The following NYAP2 variants were observed in gnomAD, a reference collection of about 807,000 sequenced individuals.
NYAP2 encodes neuronal tyrosine-phosphorylated phosphoinositide-3-kinase adaptor 2.
Under a neutral mutation model 50.4 loss-of-function variants are expected in NYAP2, and 23 were observed. That is an observed-to-expected ratio of 0.46 (90% CI 0.33 to 0.65). The LOEUF (loss-of-function observed/expected upper bound fraction) is 0.65, where lower values mean the gene tolerates loss of function less well. Among genes scored for constraint, NYAP2 ranks in the 30% least tolerant of loss-of-function variants. NYAP2 has a pLI of 0.02. For synonymous variants in NYAP2, 394 were observed against 365.2 expected (o/e 1.08, Z -0.90); for missense variants, 885 against 861.0 (o/e 1.03, Z -0.35).
At chr2:225,608,183 A>C (rs1692821913) in intron 5 of NYAP2, among the ~76,000 whole-genome samples, 1 of 152,174 alleles carries the variant, frequency 6.6e-6, no homozygotes, top group African/African-American at 2.4e-5. Flanking sequence ...AGTTGTTTAT[A>C]AAAATATACA....
intron 5 of NYAP2, among the ~76,000 whole-genome samples, chr2:225,598,399 A>G (rs1692642313): frequency 1.3e-5 from 2 of 152,364 alleles, no homozygotes; most frequent in South Asian, 4.1e-4. Context: ...CATTAAGTGG[A>G]AACCAAGAAT....
intron 5 of NYAP2, among the ~76,000 whole-genome samples, chr2:225,617,370 G>A (rs544139833): frequency 1.3e-5 from 2 of 151,934 alleles, no homozygotes; most frequent in South Asian, 2.1e-4. Flanking sequence ...TGGAGGTTGC[G>A]GTGAGCCGAG....
At chr2:225,542,045 A>C (rs1039077978) in intron 4 of NYAP2, among the ~76,000 whole-genome samples, 4 of 152,068 alleles carry the variant, frequency 2.6e-5, no homozygotes, top group African/African-American at 9.7e-5. Flanking sequence ...TAGCTATTAT[A>C]AATAGGATTA....
chr2:225,539,945 C>G (rs553612964), intron 4 of NYAP2, among the ~76,000 whole-genome samples: 1 of 152,288 alleles, frequency 6.6e-6, no homozygotes, highest in South Asian at 2.1e-4. Context: ...TTAATCATCT[C>G]TCTCAAGTTC....
intron 4 of NYAP2, among the ~76,000 whole-genome samples, chr2:225,570,110 G>T (rs182865286): frequency 5.3e-4 from 81 of 152,296 alleles, no homozygotes; most frequent in African/African-American, 1.9e-3. Flanking sequence ...ACAAGCTACT[G>T]CCCTGGAATG....
At chr2:225,605,331 A>C (rs1391451038) in intron 5 of NYAP2, among the ~76,000 whole-genome samples, 1 of 152,124 alleles carries the variant, frequency 6.6e-6, no homozygotes, top group African/African-American at 2.4e-5. Context: ...AAAAGTGGGA[A>C]CTCTTATCTT....
At chr2:225,480,005 C>T (rs1363772108) in intron 3 of NYAP2, among the ~76,000 whole-genome samples, 2 of 152,054 alleles carry the variant, frequency 1.3e-5, no homozygotes, top group Non-Finnish European at 2.9e-5. Flanking sequence ...CGTCACTGGA[C>T]TTTACCAGCC....
At chr2:225,694,895 C>T in the NYAP2 span, among the ~76,000 whole-genome samples, 1 of 151,630 alleles carries the variant, frequency 6.6e-6, no homozygotes, top group African/African-American at 2.4e-5. Context: ...TATTTTCTTA[C>T]TCACTACACA....
the NYAP2 span, among the ~76,000 whole-genome samples, chr2:225,688,643 C>T: frequency 6.6e-6 from 1 of 152,130 alleles, no homozygotes; most frequent in South Asian, 2.1e-4. Flanking sequence ...GGTTAGGTAA[C>T]TTGTTCTGAT....
intron 3 of NYAP2, among the ~76,000 whole-genome samples, chr2:225,510,396 A>G (rs1055899418): frequency 3.3e-5 from 5 of 152,204 alleles, no homozygotes; most frequent in African/African-American, 1.2e-4. Flanking sequence ...AGTTTTAAAA[A>G]CACAAATTCA....
chr2:225,504,743 C>A (rs950053722), intron 3 of NYAP2, among the ~76,000 whole-genome samples: 1 of 152,088 alleles, frequency 6.6e-6, no homozygotes, highest in African/African-American at 2.4e-5. Context: ...GGCACGGTGG[C>A]TCATGCCTGT....
chr2:225,469,298 T>C (rs1689975085), intron 3 of NYAP2, among the ~76,000 whole-genome samples: 2 of 152,212 alleles, frequency 1.3e-5, no homozygotes, highest in African/African-American at 4.8e-5. Flanking sequence ...GAAATGCAAA[T>C]CAAAACCACA....
chr2:225,437,916 C>T (rs1317543194), intron 3 of NYAP2, among the ~76,000 whole-genome samples: 1 of 152,136 alleles, frequency 6.6e-6, no homozygotes, highest in East Asian at 1.9e-4. Context: ...TTCAAATAGC[C>T]ACAGACCAGA....
intron 5 of NYAP2, among the ~76,000 whole-genome samples, chr2:225,590,240 C>T (rs1017109977): frequency 6.6e-6 from 1 of 152,180 alleles, no homozygotes; most frequent in Non-Finnish European, 1.5e-5. Context: ...CTGGCTTCTG[C>T]CTTAGCAAGG....
chr2:225,637,286 T>C lies in NYAP2; in HGVS notation c.1828+10160T>C, dbSNP rs199826894. 4.6e-5 allele frequency among the ~76,000 whole-genome samples: 7 copies of C among 152,320 alleles called. 1 individual carries two copies. In the East Asian group the frequency reaches 1.4e-3, roughly 29 times the overall value. ...GAGTTCTCCGTTATATTCATTTTTGTTACGCAACAGGAACAGCAAACCAAT... is the reference window on the plus strand; with the variant it reads ...GAGTTCTCCGTTATATTCATTTTTGCTACGCAACAGGAACAGCAAACCAAT... On this transcript the variant is annotated intron_variant, in intron 6 of 6. Transcript: ENST00000636099.
At chr2:225,551,948 G>T (rs1691685975) in intron 4 of NYAP2, among the ~76,000 whole-genome samples, 1 of 152,120 alleles carries the variant, frequency 6.6e-6, no homozygotes, top group African/African-American at 2.4e-5. Flanking sequence ...AAATAGCTGG[G>T]ATTACAGGTG....
intron 5 of NYAP2, among the ~76,000 whole-genome samples, chr2:225,601,123 GT>G (rs71410364): frequency 0.12 from 16,438 of 136,738 alleles, 809 homozygotes; most frequent in Non-Finnish European, 0.13. Context: ...CTGTGTTTAA[GT>G]TTTTTTTTTT....
chr2:225,637,270 G>A (rs543398674), intron 6 of NYAP2, among the ~76,000 whole-genome samples: 305 of 152,216 alleles, frequency 2.0e-3, no homozygotes, highest in African/African-American at 5.8e-3. Context: ...TGAGTTCTCC[G>A]TTATATTCAT....
chr2:225,595,847 C>T (rs1692587637), intron 5 of NYAP2, among the ~76,000 whole-genome samples: 1 of 152,160 alleles, frequency 6.6e-6, no homozygotes, highest in African/African-American at 2.4e-5. Context: ...CTTGCTGCCT[C>T]CATTTCTTCT....
Sources: gnomAD v4.1 joint callset for allele counts (sites outside exome capture counted in the v4.1 genomes callset) on GRCh38, gnomAD v4.1.1 for gene constraint, MANE v1.5 for transcripts, NCBI Gene and HGNC (gene_info 2026-07-23, HGNC 2026-07-21) for gene names.